BIRC6: variants seen among roughly 807,000 people sequenced by gnomAD.
BIRC6 encodes the protein dual E2 ubiquitin-conjugating enzyme/E3 ubiquitin-protein ligase BIRC6.
A neutral mutation model predicts 503.3 loss-of-function variants in BIRC6; 98 were observed. That is an observed-to-expected ratio of 0.19 (90% confidence interval 0.17 to 0.23). The LOEUF (loss-of-function observed/expected upper bound fraction) is 0.23. Ranked by LOEUF, BIRC6 falls within the 10% of genes least tolerant of loss-of-function variation. The probability of loss-of-function intolerance (pLI) is 1.00; values close to 1 mark genes in which losing one functional copy is unlikely to be tolerated. For missense variants in BIRC6, 5,360 were observed against 5,806.0 expected (o/e 0.92, Z 2.50); for synonymous variants, 2,240 against 2,078.7 (o/e 1.08, Z -2.11).
intron 54 of BIRC6, 128 bp downstream of exon 54, chr2:32,513,282 A>G: frequency 3.0e-6 from 2 of 673,060 alleles, no homozygotes; most frequent in Non-Finnish European, 5.0e-6. Context: ...AAATATAATC[A>G]AGTATACTTT....
chr2:32,571,253 C>T (rs1026412399), intron 65 of BIRC6, among the ~76,000 whole-genome samples: 3 of 151,880 alleles, frequency 2.0e-5, no homozygotes, highest in African/African-American at 4.8e-5. Flanking sequence ...AGCATATTAC[C>T]GGCCTCATAA....
intron 61 of BIRC6, among the ~76,000 whole-genome samples, chr2:32,533,812 T>G (rs1056016063): frequency 6.6e-6 from 1 of 152,202 alleles, no homozygotes; most frequent in Non-Finnish European, 1.5e-5. Context: ...CAATGCATCC[T>G]TTGATTTTAG....
chr2:32,451,966 C>G (rs558344399), intron 22 of BIRC6, among the ~76,000 whole-genome samples: 1 of 152,214 alleles, frequency 6.6e-6, no homozygotes, highest in South Asian at 2.1e-4. Flanking sequence ...TGATGTTTCA[C>G]CAGTATGCAT....
chr2:32,573,283 C>T (rs533337364), intron 65 of BIRC6, among the ~76,000 whole-genome samples: 35 of 152,184 alleles, frequency 2.3e-4, no homozygotes, highest in Middle Eastern at 3.4e-3. Context: ...CTGCAGCCTC[C>T]GCCTCTTGAG....
intron 52 of BIRC6, 76 bp downstream of exon 52, chr2:32,510,070 T>G: frequency 6.7e-7 from 1 of 1,482,596 alleles, no homozygotes; most frequent in Non-Finnish European, 9.1e-7. Context: ...ATCTTCGTGC[T>G]TAACTCTGTT....
At chr2:32,417,780 A>T (rs763979284) in intron 10 of BIRC6, among the ~76,000 whole-genome samples, 1 of 151,968 alleles carries the variant, frequency 6.6e-6, no homozygotes, top group Non-Finnish European at 1.5e-5. Context: ...TTATTTTTTT[A>T]TTTTTATTTT....
chr2:32,404,469 C>G (rs138805543), intron 8 of BIRC6, among the ~76,000 whole-genome samples: 1 of 151,834 alleles, frequency 6.6e-6, no homozygotes, highest in Admixed American at 6.6e-5. Flanking sequence ...CCCGTGCCAC[C>G]ATGCCTGGGT....
intron 66 of BIRC6, among the ~76,000 whole-genome samples, chr2:32,592,385 T>C (rs1293190526): frequency 6.6e-6 from 1 of 152,222 alleles, no homozygotes; most frequent in Non-Finnish European, 1.5e-5. Context: ...CTGTAGAAAC[T>C]AGTTTTTGTT....
intron 13 of BIRC6, among the ~76,000 whole-genome samples, chr2:32,435,081 A>G (rs1471450017): frequency 6.6e-6 from 1 of 152,062 alleles, no homozygotes; most frequent in African/African-American, 2.4e-5. Context: ...GTGTGTCTGT[A>G]TATTTATGTG....
intron 61 of BIRC6, among the ~76,000 whole-genome samples, chr2:32,536,447 A>G (rs2057241236): frequency 6.6e-6 from 1 of 152,212 alleles, no homozygotes; most frequent in African/African-American, 2.4e-5. Context: ...TAGGTCTAAC[A>G]TTTAAGTCTT....
intron 3 of BIRC6, among the ~76,000 whole-genome samples, chr2:32,383,187 C>T (rs2037936429): frequency 1.3e-5 from 2 of 151,786 alleles, no homozygotes; most frequent in African/African-American, 4.8e-5. Flanking sequence ...GCTGCGATTA[C>T]AGGCGCGTGC....
chr2:32,379,182 G>A (rs1277890779), intron 2 of BIRC6: 1 of 152,122 alleles, frequency 6.6e-6, no homozygotes, highest in African/African-American at 2.4e-5. Flanking sequence ...TCTCATCAGA[G>A]TATTTGGGTC....
chr2:32,420,354 T>C (rs1340421545), intron 10 of BIRC6, among the ~76,000 whole-genome samples: 8 of 152,274 alleles, frequency 5.3e-5, no homozygotes, highest in Admixed American at 5.2e-4. Flanking sequence ...TTTTTTTTAG[T>C]GGGAAGATTT....
At chr2:32,461,679 T>A (rs1170069986) in intron 23 of BIRC6, among the ~76,000 whole-genome samples, 2 of 152,112 alleles carry the variant, frequency 1.3e-5, no homozygotes, top group African/African-American at 2.4e-5. Flanking sequence ...GCTTATTTTT[T>A]AATTTTATTA....
intron 72 of BIRC6, among the ~76,000 whole-genome samples, chr2:32,609,149 G>T (rs1337082870): frequency 6.6e-6 from 1 of 152,116 alleles, no homozygotes; most frequent in Non-Finnish European, 1.5e-5. Flanking sequence ...CTTCCAGACT[G>T]TTGGAATTAC....
At chr2:32,447,527 G>A (rs1470012803) in intron 21 of BIRC6, among the ~76,000 whole-genome samples, 56 of 120,390 alleles carry the variant, frequency 4.7e-4, no homozygotes, top group Non-Finnish European at 6.0e-4. Flanking sequence ...CGGGCAGAGG[G>A]GTCCTCACTT....
At chr2:32,544,648 A>C (rs1227160996) in intron 62 of BIRC6, among the ~76,000 whole-genome samples, 1 of 151,848 alleles carries the variant, frequency 6.6e-6, no homozygotes, top group Non-Finnish European at 1.5e-5. Context: ...CTGTACTACA[A>C]AGTATATTTA....
chr2:32,459,224 T>G (rs2047569529), intron 23 of BIRC6, among the ~76,000 whole-genome samples: 1 of 152,212 alleles, frequency 6.6e-6, no homozygotes, highest in Admixed American at 6.5e-5. Flanking sequence ...TCCAGTCACT[T>G]GGCAACCAGT....
intron 66 of BIRC6, 74 bp from the exon 67 acceptor site, chr2:32,593,841 A>G (rs2061525017): frequency 3.9e-6 from 5 of 1,297,918 alleles, no homozygotes; most frequent in Non-Finnish European, 5.4e-6. Context: ...TCATTTGTAT[A>G]TTGATTTATG....
Sources: gnomAD v4.1 joint callset for allele counts (sites outside exome capture counted in the v4.1 genomes callset) on GRCh38, gnomAD v4.1.1 for gene constraint, MANE v1.5 for transcripts, NCBI Gene and HGNC (gene_info 2026-07-23, HGNC 2026-07-21) for gene names.